The following PPP2R5C variants were observed in gnomAD, a reference collection of about 807,000 sequenced individuals.
PPP2R5C encodes protein phosphatase 2 regulatory subunit B'gamma, also known as serine/threonine-protein phosphatase 2A 56 kDa regulatory subunit gamma isoform.
In PPP2R5C, 7 loss-of-function variants were observed where a neutral mutation model predicts 68.9. That is an observed-to-expected ratio of 0.10 (90% CI 0.06 to 0.19). The LOEUF (loss-of-function observed/expected upper bound fraction) is 0.19, where lower values mean the gene tolerates loss of function less well. Among genes scored for constraint, PPP2R5C ranks in the 10% least tolerant of loss-of-function variants. The pLI, the probability that PPP2R5C is intolerant of heterozygous loss-of-function variation, is 1.00. For synonymous variants in PPP2R5C, 210 were observed against 222.2 expected (o/e 0.95, Z 0.49); for missense variants, 348 against 641.3 (o/e 0.54, Z 4.94).
chr14:101,804,500 AAT>A (rs141520535), intron 3 of PPP2R5C, among the ~76,000 whole-genome samples: 20,194 of 151,986 alleles, frequency 0.13, 1,473 homozygotes, highest in Admixed American at 0.19. Flanking sequence ...ATGAATAAAA[AAT>A]ATATATATAT....
At chr14:101,860,286 T>C (rs1192627888) in intron 2 of PPP2R5C, among the ~76,000 whole-genome samples, 1 of 152,164 alleles carries the variant, frequency 6.6e-6, no homozygotes, top group Non-Finnish European at 1.5e-5. Flanking sequence ...TTCATGTAAG[T>C]GGAATTACAG....
chr14:101,893,134 C>A, intron 7 of PPP2R5C, 26 bp downstream of exon 9: 2 of 1,470,318 alleles, frequency 1.4e-6, no homozygotes, highest in Non-Finnish European at 1.9e-6. Context: ...ACTCTAGGAA[C>A]ACAGCTGTTG....
intron 2 of PPP2R5C, among the ~76,000 whole-genome samples, chr14:101,769,967 A>G (rs1281083122): frequency 6.6e-6 from 1 of 152,208 alleles, no homozygotes; most frequent in Non-Finnish European, 1.5e-5. Flanking sequence ...CATATGGAAT[A>G]GCCTGTCACT....
chr14:101,816,866 T>TA (rs1344154630), intron 1 of PPP2R5C, among the ~76,000 whole-genome samples: 1 of 140,368 alleles, frequency 7.1e-6, no homozygotes, highest in Non-Finnish European at 1.5e-5. Context: ...ATATATATAT[T>TA]TATTTATATA....
At position 101,899,877 on chromosome 14, in the gene PPP2R5C, C is replaced by T. The variant is rs1234298653; in HGVS notation, c.853-1842C>T. The stretch of plus-strand genomic sequence containing the variant: ...ATGTCAGACTTGAAAACTAGCAGCA[C>T]TTCCTTTTTTATTTTTATTTGGCTC... On this transcript the variant is annotated intron_variant, in intron 8 of 13. Coordinates refer to ENST00000334743, the Ensembl canonical transcript of PPP2R5C. The surrounding 1 kb of genome is among the most constrained non-coding windows in gnomAD (Gnocchi z 4.2). 1.3e-5 allele frequency among the ~76,000 whole-genome samples: 2 copies of T among 152,110 alleles called. No individual in the cohort carries two copies. The highest frequency in any genetic ancestry group is 4.8e-5 in the African/African-American group (2 of 41,420).
chr14:101,870,391 A>G (rs1732279727), intron 2 of PPP2R5C, among the ~76,000 whole-genome samples: 1 of 152,116 alleles, frequency 6.6e-6, no homozygotes, highest in African/African-American at 2.4e-5. Flanking sequence ...ATGGATTTCC[A>G]ATTGTTCTGT....
In PPP2R5C at chr14:101,856,892, G is replaced by T; in HGVS notation, c.294+7G>T. On this transcript the variant is annotated splice_region_variant and intron_variant, in intron 2 of 13. Coordinates refer to ENST00000334743, the Ensembl canonical transcript of PPP2R5C. ...CCCAGAAGTAGTCCATATGGTAAGTGATTACAGTTTAACCAGTGTGTCCCA... is the reference window on the plus strand; with the variant it reads ...CCCAGAAGTAGTCCATATGGTAAGTTATTACAGTTTAACCAGTGTGTCCCA... The T allele has an allele frequency of 1.9e-6, 3 of 1,611,502 alleles. No homozygotes were observed. The South Asian group carries it at 3.3e-5, about 18-fold the overall frequency.
chr14:101,834,795 T>C (rs779788823), intron 1 of PPP2R5C, among the ~76,000 whole-genome samples: 1 of 152,176 alleles, frequency 6.6e-6, no homozygotes, highest in Non-Finnish European at 1.5e-5. Context: ...CTACCTCTAC[T>C]CTTTCCTCTC....
At chr14:101,852,090 AACCTCCAGCACAC>A (rs2042190496) in intron 1 of PPP2R5C, among the ~76,000 whole-genome samples, 1 of 152,354 alleles carries the variant, frequency 6.6e-6, no homozygotes, top group Admixed American at 6.5e-5. Flanking sequence ...CAGCAAAAAC[AACCTCCAGCACAC>A]ACCTCCACTG....
chr14:101,886,584 C>T (rs141484073), intron 5 of PPP2R5C, among the ~76,000 whole-genome samples: 4 of 152,170 alleles, frequency 2.6e-5, no homozygotes, highest in East Asian at 3.9e-4. Context: ...CAGTCAAAAG[C>T]AAGCATGCTA....
At chr14:101,824,071 T>C (rs1484432367) in intron 1 of PPP2R5C, 1 of 1,289,056 alleles carries the variant, frequency 7.8e-7, no homozygotes, top group East Asian at 5.5e-5. Context: ...AGGAACAGAC[T>C]CCAGGACTGA....
chr14:101,906,684 G>T lies in PPP2R5C; in HGVS notation c.1151+155G>T. 1 of 1,045,716 alleles carries T rather than the reference G, an allele frequency of 9.6e-7. No homozygotes were observed. The highest frequency in any genetic ancestry group is 2.7e-5 in the East Asian group (1 of 36,922). 64.8% of individuals were successfully genotyped at this position (1,045,716 alleles called of 1,614,324 possible). A position where few individuals can be genotyped will look rare whatever the true frequency, so the allele number is the denominator to read the frequency against. Reference sequence around the variant, plus strand: ...GACTCATAAATTAAGTAGCAGCGTGGGTTGTTTCTGTGGCCGTTGAATTTA... The same window carrying T: ...GACTCATAAATTAAGTAGCAGCGTGTGTTGTTTCTGTGGCCGTTGAATTTA... On this transcript the variant is annotated intron_variant, in intron 10 of 13. Coordinates refer to ENST00000334743, the Ensembl canonical transcript of PPP2R5C. This position sits in a 1 kb window ranked among gnomAD's most constrained non-coding sequence, Gnocchi z 4.0.
At chr14:101,778,467 G>A (rs568303698) in intron 2 of PPP2R5C, among the ~76,000 whole-genome samples, 21 of 152,292 alleles carry the variant, frequency 1.4e-4, no homozygotes, top group African/African-American at 5.1e-4. Flanking sequence ...TCATAGCTAA[G>A]AAACCATTAT....
At chr14:101,873,918 T>C (rs183043395) in intron 2 of PPP2R5C, among the ~76,000 whole-genome samples, 3 of 152,318 alleles carry the variant, frequency 2.0e-5, no homozygotes, top group Non-Finnish European at 4.4e-5. Context: ...ATCCAGTGTC[T>C]TGAAAACCGT....
At chr14:101,868,973 C>T (rs2043241587) in intron 2 of PPP2R5C, among the ~76,000 whole-genome samples, 1 of 152,120 alleles carries the variant, frequency 6.6e-6, no homozygotes, top group Non-Finnish European at 1.5e-5. Flanking sequence ...AGTGCAGTGG[C>T]ACCATATCAG....
chr14:101,856,659 C>G (rs3742421), intron 1 of PPP2R5C, 27 bp from the exon 4 acceptor site: 187,842 of 1,592,642 alleles, frequency 0.12, 11,888 homozygotes, highest in Admixed American at 0.22. Context: ...CTTTTGTGAT[C>G]AATATACTTT....
chr14:101,837,389 C>T (rs935815279), intron 1 of PPP2R5C, among the ~76,000 whole-genome samples: 15 of 152,086 alleles, frequency 9.9e-5, no homozygotes, highest in South Asian at 2.1e-4. Context: ...TCAGGTGATC[C>T]GCCCACCTCA....
chr14:101,874,713 A>G (rs1284946739), intron 2 of PPP2R5C, among the ~76,000 whole-genome samples: 1 of 152,138 alleles, frequency 6.6e-6, no homozygotes, highest in Non-Finnish European at 1.5e-5. Flanking sequence ...TCCTTTATTA[A>G]GTATTCTACA....
chr14:101,778,175 G>A (rs1383698304), intron 2 of PPP2R5C, among the ~76,000 whole-genome samples: 2 of 152,170 alleles, frequency 1.3e-5, no homozygotes, highest in South Asian at 2.1e-4. Context: ...ATCTAAAGGT[G>A]GTGAGCATCT....
Sources: allele counts gnomAD v4.1 joint callset (sites outside exome capture counted in the v4.1 genomes callset), GRCh38; gene constraint gnomAD v4.1.1; non-coding constraint Gnocchi (gnomAD v3.1); transcripts MANE v1.5; gene names NCBI Gene and HGNC (gene_info 2026-07-23, HGNC 2026-07-21).